Variants in GPC2 observed in about 807,000 individuals in gnomAD.
GPC2 encodes glypican 2, also known as glypican-2.
In GPC2, 42 loss-of-function variants were observed where a neutral mutation model predicts 57.3. The observed-to-expected ratio is 0.73, with a 90% CI of 0.57 to 0.95. The LOEUF is 0.95. GPC2 is among the 40% of genes least tolerant of loss of function. GPC2 has a pLI of 0.00. For synonymous variants in GPC2, 364 were observed against 343.4 expected, an observed-to-expected ratio of 1.06 and a Z score of -0.66; for missense variants, 745 against 793.6, an observed-to-expected ratio of 0.94 and a Z score of 0.74.
chr7:100,175,431 A>G, intron 3 of GPC2, 141 bp downstream of exon 3: 1 of 665,996 alleles, frequency 1.5e-6, no homozygotes, highest in East Asian at 2.7e-5. Flanking sequence ...AGGGATCACC[A>G]GGTCAGAAAT....
chr7:100,174,051 C>A lies in GPC2; in HGVS notation c.730-54G>T. ...CCACAAACGCTGTGGCTGCTCTCAGCCTGGCTTGGTGCTGGGCACAGACAG... is the reference window on the plus strand; with the variant it reads ...CCACAAACGCTGTGGCTGCTCTCAGACTGGCTTGGTGCTGGGCACAGACAG... On this transcript the variant is annotated intron_variant, in intron 4 of 9. Coordinates refer to ENST00000292377, the MANE Select transcript of GPC2 (RefSeq NM_152742.3). 2.1e-6 allele frequency: 3 copies of A among 1,445,144 alleles called. No homozygotes were observed. The African/African-American group carries it at 4.4e-5, about 21-fold the overall frequency. The allele number at this position is 1,445,144 out of a possible 1,614,324, so 89.5% of individuals were successfully genotyped here.
Position 100,171,294 on chromosome 7 carries a change from C to T in GPC2, c.1453G>A (p.Ala485Thr). The change falls in exon 9 of 10, where the codon GCA becomes ACA. Residue 485 changes from alanine (A) to threonine (T), a missense_variant. Ala to Thr is a moderately conservative substitution (Grantham distance 58). Around this residue, in one of 2 missense-constraint regions of GPC2, gnomAD observed 607 missense variants for 603.9 expected, o/e 1.01. Coordinates refer to ENST00000292377, the MANE Select transcript of GPC2 (RefSeq NM_152742.3). This position sits in a 1 kb window ranked among gnomAD's most constrained non-coding sequence, Gnocchi z 4.8. ...RAATARMKTA[A>T]LGHDLDGQDA... ...TGCCCGTCCAGGTCGTGTCCCAGTG[C>T]GGCCGTTTTCATTCTGGCCGTGGCC... 1.3e-6 allele frequency: 2 copies of T among 1,537,364 alleles called. No homozygotes were observed.
chr7:100,175,389 T>C (rs1799249497), intron 3 of GPC2, among the ~76,000 whole-genome samples, 183 bp downstream of exon 3: 1 of 152,050 alleles, frequency 6.6e-6, no homozygotes, highest in African/African-American at 2.4e-5. Flanking sequence ...CAAGGGGCAC[T>C]GGGTCGGGCA....
At chr7:100,172,548 C>T (rs541634453) in intron 5 of GPC2, among the ~76,000 whole-genome samples, 2 of 150,754 alleles carry the variant, frequency 1.3e-5, no homozygotes, top group Admixed American at 6.6e-5. Flanking sequence ...TCACTGCAAC[C>T]TCTGCCTCCT....
rs1432218201 is a variant in GPC2, at chr7:100,177,105, C to T, written c.95G>A (p.Cys32Tyr). 3 of 1,613,210 alleles carry T rather than the reference C, an allele frequency of 1.9e-6. No individual in the cohort carries two copies. In the African/African-American group the frequency reaches 4.0e-5, roughly 22 times the overall value. ...CCCCAGCACCTGCCGGGTCTCTGCA[C>T]AACTCCGGGTGACCTTTGCCTCGCT... ...PGSEAKVTRS[C>Y]AETRQVLGAR... Residue 32 changes from cysteine to tyrosine, a missense_variant, in exon 1 of 10, where the codon TGT (cysteine) becomes TAT (tyrosine). Coordinates refer to ENST00000292377, the MANE Select transcript of GPC2 (RefSeq NM_152742.3).
In GPC2 at chr7:100,170,487, C is replaced by T; in HGVS notation, c.1487-4G>A. ...CCAGAGCCGCTGGCATCCTCATCTG[C>T]AAGGAAGAAGAGGGACAGAGCAGGA... is the stretch of plus-strand genomic sequence containing the variant. On this transcript the variant is annotated splice_region_variant and splice_polypyrimidine_tract_variant and intron_variant, in intron 9 of 9. Coordinates refer to ENST00000292377, the MANE Select transcript of GPC2 (RefSeq NM_152742.3). 1 of 1,515,484 alleles carries T rather than the reference C, an allele frequency of 6.6e-7. No homozygotes were observed. The highest frequency in any genetic ancestry group is 8.9e-7 in the Non-Finnish European group (1 of 1,128,364). 93.9% of individuals were successfully genotyped at this position (1,515,484 alleles called of 1,614,324 possible).
intron 9 of GPC2, 82 bp from the exon 10 acceptor site, chr7:100,170,565 A>G (rs1799161028): frequency 1.5e-6 from 2 of 1,301,150 alleles, no homozygotes; most frequent in South Asian, 3.6e-5. Context: ...TGAGATAAAA[A>G]CAGAAAGAGA....
intron 5 of GPC2, among the ~76,000 whole-genome samples, chr7:100,172,792 C>T (rs142497713): frequency 0.027 from 3,658 of 133,194 alleles, 85 homozygotes; most frequent in Middle Eastern, 0.063. Context: ...TATATATATA[C>T]GTATATATAT....
rs770010386 is a variant in GPC2, at chr7:100,176,195, C to G, written c.325+12G>C. The G allele has an allele frequency of 3.8e-6, 6 of 1,592,540 alleles. No homozygotes were observed. The highest frequency in any genetic ancestry group is 1.3e-5 in the African/African-American group (1 of 74,446). ...AGCTGTGAAGCTGAGTTTGGGGACCCCAGGTCCTCACCATCAAATTTTCTG... is the reference window on the plus strand; with the variant it reads ...AGCTGTGAAGCTGAGTTTGGGGACCGCAGGTCCTCACCATCAAATTTTCTG... On this transcript the variant is annotated intron_variant, in intron 2 of 9. Coordinates refer to ENST00000292377, the MANE Select transcript of GPC2 (RefSeq NM_152742.3).
rs757666078 is a variant in GPC2 at position 100,170,458 on chromosome 7, C to T, written c.1512G>A (p.Gly504=). 7.1e-6 allele frequency: 11 copies of T among 1,549,570 alleles called. No individual in the cohort carries two copies. The highest frequency in any genetic ancestry group is 7.0e-6 in the Non-Finnish European group (8 of 1,144,622). ...TCCAGTCATCTGCATACTGCTGTCC[C>T]CCTCCAGAGCCGCTGGCATCCTCAT... ...DADEDASGSG[G]GQQYADDWMA... The change falls in exon 10 of 10, where the codon GGG becomes GGA. Residue 504 remains glycine, a synonymous_variant. Coordinates refer to ENST00000292377, the MANE Select transcript of GPC2 (RefSeq NM_152742.3).
At chr7:100,172,261 T>C in intron 5 of GPC2, 44 bp from the exon 6 acceptor site, 2 of 1,603,020 alleles carry the variant, frequency 1.2e-6, no homozygotes, top group East Asian at 2.2e-5. Flanking sequence ...TGAGTGGTGA[T>C]ACTGAACTAG....
chr7:100,177,374 A>C lies in GPC2; in HGVS notation c.-175T>G. On this transcript the variant is annotated 5_prime_UTR_variant, in exon 1 of 10. Transcript: ENST00000292377. ...GGACCAGGCGGCATCTGCCGAGACA[A>C]TGGGAGCGGGGAGCCGGACAGGGGG... 6 of 518,060 alleles carry C rather than the reference A, an allele frequency of 1.2e-5. No individual in the cohort carries two copies. Among genetic ancestry groups the C allele is most frequent in the African/African-American group, 2.0e-5 (1 of 50,238 alleles). The allele number at this position is 518,060 out of a possible 1,614,324, so 32.1% of individuals were successfully genotyped here. A position where few individuals can be genotyped will look rare whatever the true frequency, so the allele number is the denominator to read the frequency against.
chr7:100,170,557 A>G, intron 9 of GPC2, 74 bp from the exon 10 acceptor site: 1 of 1,324,426 alleles, frequency 7.6e-7, no homozygotes, highest in Non-Finnish European at 9.9e-7. Flanking sequence ...AAAGAAATTG[A>G]GATAAAAACA....
chr7:100,169,950 A>C lies in GPC2; in HGVS notation c.*280T>G. Reference sequence around the variant, plus strand: ...TCTGTTGGGGCTGATCACCAGCCCCAGCCTTAGAGGGCTAGAGACTATACC... The same window carrying C: ...TCTGTTGGGGCTGATCACCAGCCCCCGCCTTAGAGGGCTAGAGACTATACC... On this transcript the variant is annotated 3_prime_UTR_variant, in exon 10 of 10. Coordinates refer to ENST00000292377, the MANE Select transcript of GPC2 (RefSeq NM_152742.3). The C allele has an allele frequency of 3.9e-6, 1 of 257,284 alleles. No homozygotes were observed. The highest frequency in any genetic ancestry group is 7.2e-6 in the Non-Finnish European group (1 of 138,468). 15.9% of individuals were successfully genotyped at this position (257,284 alleles called of 1,614,324 possible). A position where few individuals can be genotyped will look rare whatever the true frequency, so the allele number is the denominator to read the frequency against.
chr7:100,170,462 C>G lies in GPC2; in HGVS notation c.1508G>C (p.Gly503Ala), dbSNP rs1799159518. 5.2e-6 allele frequency: 8 copies of G among 1,546,758 alleles called. No individual in the cohort carries two copies. The highest frequency in any genetic ancestry group is 1.7e-4 in the Middle Eastern group (1 of 5,832). ...GTCATCTGCATACTGCTGTCCCCCTCCAGAGCCGCTGGCATCCTCATCTGC... is the reference window on the plus strand; with the variant it reads ...GTCATCTGCATACTGCTGTCCCCCTGCAGAGCCGCTGGCATCCTCATCTGC... ...QDADEDASGS[G>A]GGQQYADDWM... The change falls in exon 10 of 10, where the codon GGA (glycine) becomes GCA (alanine). Residue 503 changes from glycine (G) to alanine (A), a missense_variant. Physicochemically the swap from Gly to Ala is moderately conservative, Grantham distance 60. Coordinates refer to ENST00000292377, the MANE Select transcript of GPC2 (RefSeq NM_152742.3).
Position 100,177,368 on chromosome 7 carries a change from G to T in GPC2, c.-169C>A. On this transcript the variant is annotated 5_prime_UTR_variant, in exon 1 of 10. Coordinates refer to ENST00000292377, the MANE Select transcript of GPC2 (RefSeq NM_152742.3). ...ATAGCTGGACCAGGCGGCATCTGCC[G>T]AGACAATGGGAGCGGGGAGCCGGAC... is the stretch of plus-strand genomic sequence containing the variant. 2 of 541,146 alleles carry T rather than the reference G, an allele frequency of 3.7e-6. No homozygotes were observed. Among genetic ancestry groups the T allele is most frequent in the Non-Finnish European group, 6.0e-6 (2 of 330,686 alleles). 33.5% of individuals were successfully genotyped at this position (541,146 alleles called of 1,614,324 possible). A position where few individuals can be genotyped will look rare whatever the true frequency, so the allele number is the denominator to read the frequency against.
rs1172543307 is a variant in GPC2 at position 100,175,586 on chromosome 7, G to A, written c.634C>T (p.Arg212Cys). 9.3e-6 allele frequency: 15 copies of A among 1,609,478 alleles called. No homozygotes were observed. Among genetic ancestry groups the A allele is most frequent in the East Asian group, 2.2e-5 (1 of 44,670 alleles). ...GGATCCCTCACCTGCAGGCGGAGGC[G>A]GCGGGGTGAGTCCCCAAAGGGCTGC... ...SLQPFGDSPRRLRLQITRTLV... is the reference protein window; with the variant it reads ...SLQPFGDSPRCLRLQITRTLV... Residue 212 changes from arginine to cysteine, a missense_variant, in exon 3 of 10, where the codon CGC becomes TGC. Arg to Cys is a radical substitution (Grantham distance 180, BLOSUM62 -3). Transcript: ENST00000292377.
At chr7:100,170,511 G>A in intron 9 of GPC2, 28 bp from the exon 10 acceptor site, 3 of 1,455,388 alleles carry the variant, frequency 2.1e-6, no homozygotes, top group Non-Finnish European at 2.7e-6. Flanking sequence ...GACAGAGCAG[G>A]ATGGGAGGGA....
At chr7:100,175,915 A>G in intron 2 of GPC2, 21 bp from the exon 3 acceptor site, 1 of 1,607,034 alleles carries the variant, frequency 6.2e-7, no homozygotes, top group East Asian at 2.2e-5. Context: ...TGCAGGGAAC[A>G]GGTGGAAGGC....
Sources: allele counts gnomAD v4.1 joint callset (sites outside exome capture counted in the v4.1 genomes callset), GRCh38; gene constraint gnomAD v4.1.1; regional missense constraint gnomAD v4.1.1; non-coding constraint Gnocchi (gnomAD v3.1); transcripts MANE v1.5; gene names NCBI Gene and HGNC (gene_info 2026-07-23, HGNC 2026-07-21).